Variants in CSNK1G2 observed in about 807,000 individuals in gnomAD.
CSNK1G2 encodes the protein casein kinase 1 gamma 2.
In CSNK1G2, 11 loss-of-function variants were observed where a neutral mutation model predicts 48.0. The ratio of observed to expected loss-of-function variants is 0.23; its 90% confidence interval spans 0.14 to 0.38. The LOEUF is 0.38. Among genes scored for constraint, CSNK1G2 ranks in the 10% least tolerant of loss-of-function variants. The pLI is 1.00. For missense variants in CSNK1G2, 446 were observed against 595.5 expected (o/e 0.75, Z 2.61); for synonymous variants, 337 against 254.1 (o/e 1.33, Z -3.10).
rs750133333 is a variant in CSNK1G2 at position 1,978,387 on chromosome 19, C to T, written c.228+42C>T. The T allele has an allele frequency of 1.1e-5, 18 of 1,612,222 alleles. No individual in the cohort carries two copies. The highest frequency in any genetic ancestry group is 1.6e-4 in the Middle Eastern group (1 of 6,084). On this transcript the variant is annotated intron_variant, in intron 3 of 11. Transcript: ENST00000255641. The surrounding 1 kb of genome is among the most constrained non-coding windows in gnomAD (Gnocchi z 7.3). ...ACCCCACCCCCGCTGACGTGCCCCC[C>T]AGGGATTTCAGGGCAGCGACCCGGT...
At chr19:1,946,292 TA>T (rs2014558211) in intron 1 of CSNK1G2, among the ~76,000 whole-genome samples, 2 of 150,376 alleles carry the variant, frequency 1.3e-5, no homozygotes, top group Admixed American at 6.6e-5. Context: ...ATTTATTTTT[TA>T]TTTATTTATT....
intron 1 of CSNK1G2, among the ~76,000 whole-genome samples, chr19:1,955,527 C>T (rs1392039900): frequency 2.0e-5 from 3 of 151,744 alleles, no homozygotes; most frequent in Admixed American, 6.6e-5. Context: ...TGAGGCTCCG[C>T]GGGGTGGGCG....
intron 1 of CSNK1G2, among the ~76,000 whole-genome samples, chr19:1,955,751 G>T (rs1030223665): frequency 6.6e-6 from 1 of 152,188 alleles, no homozygotes; most frequent in Admixed American, 6.5e-5. Flanking sequence ...TGTCACCGGA[G>T]GAGGCTGCTG....
At chr19:1,945,411 C>CCCCTGCCAG (rs2014518946) in intron 1 of CSNK1G2, among the ~76,000 whole-genome samples, 1 of 152,226 alleles carries the variant, frequency 6.6e-6, no homozygotes, top group Non-Finnish European at 1.5e-5. Context: ...TCGGGGCAGC[C>CCCCTGCCAG]CCCTGCCAGC....
At chr19:1,944,723 C>T (rs2014492435) in intron 1 of CSNK1G2, among the ~76,000 whole-genome samples, 1 of 152,040 alleles carries the variant, frequency 6.6e-6, no homozygotes, top group Non-Finnish European at 1.5e-5. Context: ...TTTGTGCTAC[C>T]TCAGCGAGGG....
chr19:1,953,426 A>T (rs2014855567), intron 1 of CSNK1G2: 3 of 534,542 alleles, frequency 5.6e-6, no homozygotes, highest in Non-Finnish European at 1.2e-5. Context: ...GATGGATTTG[A>T]TGCAGATGTG....
intron 1 of CSNK1G2, among the ~76,000 whole-genome samples, chr19:1,941,948 C>T (rs1012872599): frequency 6.6e-6 from 1 of 152,084 alleles, no homozygotes. Flanking sequence ...CCCGAGGCCC[C>T]TGCCCACCTG....
At chr19:1,944,373 C>T (rs2014477520) in intron 1 of CSNK1G2, among the ~76,000 whole-genome samples, 1 of 152,052 alleles carries the variant, frequency 6.6e-6, no homozygotes, top group Non-Finnish European at 1.5e-5. Flanking sequence ...TCGTGGGGCC[C>T]GTGCTGTGGG....
At chr19:1,948,950 C>T (rs146040004) in intron 1 of CSNK1G2, among the ~76,000 whole-genome samples, 3 of 152,282 alleles carry the variant, frequency 2.0e-5, no homozygotes, top group African/African-American at 2.4e-5. Flanking sequence ...GTTTGCTCTT[C>T]ACGCAGTGGA....
At chr19:1,965,066 C>G (rs1233723845) in intron 1 of CSNK1G2, among the ~76,000 whole-genome samples, 2 of 150,942 alleles carry the variant, frequency 1.3e-5, no homozygotes. Context: ...ACTGACAACG[C>G]ACCTGGTCAC....
intron 1 of CSNK1G2, 30 bp from the exon 2 acceptor site, chr19:1,969,478 G>T (rs2074882): frequency 0.46 from 111,650 of 240,688 alleles, 27,784 homozygotes; most frequent in East Asian, 0.66. Flanking sequence ...GGCCTTGCCG[G>T]TGCTCACCTG....
chr19:1,948,782 A>G (rs929245524), intron 1 of CSNK1G2, among the ~76,000 whole-genome samples: 6 of 152,204 alleles, frequency 3.9e-5, no homozygotes, highest in Non-Finnish European at 7.3e-5. Context: ...CGAGTCCTCC[A>G]GATGCCGCTG....
chr19:1,977,490 C>G (rs575794660), intron 2 of CSNK1G2, among the ~76,000 whole-genome samples: 1 of 152,144 alleles, frequency 6.6e-6, no homozygotes, highest in Non-Finnish European at 1.5e-5. Context: ...CAGGGGCTCC[C>G]GCCTGTTATC....
At position 1,964,378 on chromosome 19, in the gene CSNK1G2, G is replaced by A. The variant is rs561785097; in HGVS notation, c.-265-5130G>A. On this transcript the variant is annotated intron_variant, in intron 1 of 11. Transcript: ENST00000255641. The stretch of plus-strand genomic sequence containing the variant: ...TGTCAGCCAGCATTCAGACGATCTA[G>A]CCAAGGTCACTGCTGGAGGTGGCTT... Among the ~76,000 whole-genome samples the A allele has an allele frequency of 2.0e-5, 3 of 152,138 alleles. No individual in the cohort carries two copies. The South Asian group carries it at 6.2e-4, about 32-fold the overall frequency.
chr19:1,941,568 C>G (rs1220659624), intron 1 of CSNK1G2, 150 bp downstream of exon 1: 1 of 145,516 alleles, frequency 6.9e-6, no homozygotes, highest in South Asian at 2.2e-4. Context: ...CCAGCGCCCC[C>G]CAACCCGTCT....
At chr19:1,972,930 G>GTTTT (rs34612691) in intron 2 of CSNK1G2, among the ~76,000 whole-genome samples, 1 of 128,164 alleles carries the variant, frequency 7.8e-6, no homozygotes. Flanking sequence ...CGCCTGCTTT[G>GTTTT]TTTTTTTTTT....
Position 1,978,327 on chromosome 19 carries a change from A to G in CSNK1G2, c.210A>G (p.Glu70=). ...CAGGAAAGAATCTCTATACAAATGA[A>G]TACGTGGCTATCAAATTGGTGAGTC... ...LRLGKNLYTN[E]YVAIKLEPIK... The change falls in exon 3 of 12, where the codon GAA becomes GAG. Residue 70 remains glutamate (E), a synonymous_variant. Transcript: ENST00000255641. This position sits in a 1 kb window ranked among gnomAD's most constrained non-coding sequence, Gnocchi z 7.3. 3 of 1,613,524 alleles carry G rather than the reference A, an allele frequency of 1.9e-6. No individual in the cohort carries two copies. The highest frequency in any genetic ancestry group is 1.3e-5 in the African/African-American group (1 of 74,998).
Position 1,978,347 on chromosome 19 carries a change from T to TGAGTCGGC in CSNK1G2, c.228+3_228+10dup. 6.2e-7 allele frequency: 1 copy of TGAGTCGGC among 1,613,348 alleles called. No homozygotes were observed. Among genetic ancestry groups the TGAGTCGGC allele is most frequent in the Middle Eastern group, 1.6e-4 (1 of 6,062 alleles). ...AATGAATACGTGGCTATCAAATTGGTGAGTCGGCCCCTCCACCCCACCCCC... is the reference window on the plus strand; with the variant it reads ...AATGAATACGTGGCTATCAAATTGGTGAGTCGGCGAGTCGGCCCCTCCACCCCACCCCC... On this transcript the variant is annotated splice_region_variant and intron_variant, in intron 3 of 11. Coordinates refer to ENST00000255641, the MANE Select transcript of CSNK1G2 (RefSeq NM_001319.7). The surrounding 1 kb of genome is among the most constrained non-coding windows in gnomAD (Gnocchi z 7.3).
intron 1 of CSNK1G2, among the ~76,000 whole-genome samples, chr19:1,941,928 G>C (rs1259191282): frequency 1.4e-5 from 2 of 141,592 alleles, no homozygotes; most frequent in Non-Finnish European, 3.1e-5. Flanking sequence ...ACGCCTCCCC[G>C]CGTTCTGGTC....
Sources: allele counts gnomAD v4.1 joint callset (sites outside exome capture counted in the v4.1 genomes callset), GRCh38; gene constraint gnomAD v4.1.1; non-coding constraint Gnocchi (gnomAD v3.1); transcripts MANE v1.5; gene names NCBI Gene and HGNC (gene_info 2026-07-23, HGNC 2026-07-21).